OSBPL10: variants seen among roughly 807,000 people sequenced by gnomAD.
OSBPL10 encodes the protein oxysterol-binding protein-related protein 10.
In OSBPL10, 49 loss-of-function variants were observed where a neutral mutation model predicts 81.7. The ratio of observed to expected loss-of-function variants is 0.60; its 90% CI spans 0.48 to 0.76. The LOEUF (loss-of-function observed/expected upper bound fraction) is 0.76, where lower values mean the gene tolerates loss of function less well. Ranked by LOEUF, OSBPL10 falls within the 30% of genes least tolerant of loss-of-function variation. The probability of loss-of-function intolerance (pLI) is 0.00; values close to 1 mark genes in which losing one functional copy is unlikely to be tolerated. For synonymous variants in OSBPL10, 419 were observed against 383.6 expected, an observed-to-expected ratio of 1.09 and a Z score of -1.08; for missense variants, 923 against 987.8, an observed-to-expected ratio of 0.93 and a Z score of 0.88.
At position 31,726,379 on chromosome 3, in the gene OSBPL10, C is replaced by T. The variant is rs540918478; in HGVS notation, c.1095+6878G>A. On this transcript the variant is annotated intron_variant, in intron 6 of 11. Coordinates refer to ENST00000396556, the MANE Select transcript of OSBPL10 (RefSeq NM_017784.5). ...GTTGACAGGCTGGAGTGCAGTGGCA[C>T]GATCTCTGCTCACTGCAACCTCCGC... Among the ~76,000 whole-genome samples, 55 of 152,028 alleles carry T rather than the reference C, an allele frequency of 3.6e-4. 1 individual carries two copies. In the East Asian group the frequency reaches 9.1e-3, roughly 25 times the overall value.
At chr3:31,714,381 G>T (rs1696364847) in intron 6 of OSBPL10, among the ~76,000 whole-genome samples, 1 of 152,156 alleles carries the variant, frequency 6.6e-6, no homozygotes, top group Admixed American at 6.5e-5. Flanking sequence ...TTATTGCGGG[G>T]GCGCAGTAAT....
At chr3:31,882,632 T>C (rs528196630) in intron 1 of OSBPL10, among the ~76,000 whole-genome samples, 1 of 152,288 alleles carries the variant, frequency 6.6e-6, no homozygotes, top group Non-Finnish European at 1.5e-5. Flanking sequence ...CTTTTTGAGC[T>C]TTAGCCAATA....
intron 2 of OSBPL10, among the ~76,000 whole-genome samples, chr3:32,041,786 T>G (rs959796220): frequency 2.6e-5 from 4 of 152,152 alleles, no homozygotes; most frequent in African/African-American, 9.7e-5. Context: ...ATCTCCCAGG[T>G]AGCTGGGATT....
chr3:31,832,821 C>A (rs1700278898), intron 3 of OSBPL10, among the ~76,000 whole-genome samples: 1 of 152,186 alleles, frequency 6.6e-6, no homozygotes, highest in Admixed American at 6.5e-5. Flanking sequence ...AGCAACCCAA[C>A]AGTCTGGATA....
At chr3:31,864,460 G>A (rs951849165) in intron 3 of OSBPL10, among the ~76,000 whole-genome samples, 32 of 152,176 alleles carry the variant, frequency 2.1e-4, no homozygotes, top group East Asian at 1.5e-3. Flanking sequence ...GGCTGGTCTC[G>A]AATTCCTGAC....
intron 4 of OSBPL10, among the ~76,000 whole-genome samples, chr3:31,817,693 A>C (rs777308128): frequency 3.3e-5 from 5 of 152,102 alleles, no homozygotes; most frequent in African/African-American, 1.2e-4. Context: ...TGCTTGATAG[A>C]GCAGGAGGCC....
At chr3:32,057,103 A>G (rs1699718414) in intron 1 of OSBPL10, among the ~76,000 whole-genome samples, 1 of 152,256 alleles carries the variant, frequency 6.6e-6, no homozygotes, top group African/African-American at 2.4e-5. Flanking sequence ...CCTCAGTTCC[A>G]AGAAATCTTT....
chr3:32,071,595 C>T (rs558288007), intron 1 of OSBPL10, among the ~76,000 whole-genome samples: 8 of 152,304 alleles, frequency 5.3e-5, no homozygotes, highest in Non-Finnish European at 1.2e-4. Context: ...ATCATGTCTC[C>T]ATGCGGCGGC....
intron 2 of OSBPL10, among the ~76,000 whole-genome samples, chr3:32,037,149 A>G (rs1216121377): frequency 6.6e-6 from 1 of 152,142 alleles, no homozygotes; most frequent in Non-Finnish European, 1.5e-5. Flanking sequence ...GCTGGAAGAA[A>G]AGCTCCCCTA....
At chr3:31,986,587 T>C (rs992518643) in intron 2 of OSBPL10, among the ~76,000 whole-genome samples, 1 of 151,696 alleles carries the variant, frequency 6.6e-6, no homozygotes, top group African/African-American at 2.4e-5. Flanking sequence ...CTACTAAAAA[T>C]ACAAAAAAAA....
At chr3:31,873,223 T>A (rs893129932) in intron 3 of OSBPL10, among the ~76,000 whole-genome samples, 39 of 151,720 alleles carry the variant, frequency 2.6e-4, no homozygotes, top group Admixed American at 2.6e-3. Flanking sequence ...AACCTCAATT[T>A]AAAAAAAATG....
intron 2 of OSBPL10, among the ~76,000 whole-genome samples, chr3:32,044,319 C>G (rs1057186841): frequency 1.3e-5 from 2 of 150,184 alleles, no homozygotes; most frequent in African/African-American, 4.9e-5. Flanking sequence ...CTGGCTAAAC[C>G]TTAAAAAGAA....
At chr3:31,960,612 T>C (rs1698132868) in intron 1 of OSBPL10, among the ~76,000 whole-genome samples, 1 of 152,144 alleles carries the variant, frequency 6.6e-6, no homozygotes, top group African/African-American at 2.4e-5. Flanking sequence ...GCTTAAACTA[T>C]CCATTTCCAA....
In OSBPL10 at chr3:31,789,275, G is replaced by A. The variant is rs111729981; in HGVS notation, c.729+40765C>T. On this transcript the variant is annotated intron_variant, in intron 4 of 11. Coordinates refer to ENST00000396556, the MANE Select transcript of OSBPL10 (RefSeq NM_017784.5). Reference sequence around the variant, plus strand: ...AATGAAATATTTTCTTCCATATCCTGTAGATTCTGTGGTCTGAAAACTCTT... The same window carrying A: ...AATGAAATATTTTCTTCCATATCCTATAGATTCTGTGGTCTGAAAACTCTT... 7.1e-3 allele frequency among the ~76,000 whole-genome samples: 1,074 copies of A among 152,254 alleles called. 12 individuals are homozygous for A. The highest frequency in any genetic ancestry group is 0.025 in the African/African-American group (1,030 of 41,542).
At chr3:31,851,362 C>T (rs1470287424) in intron 3 of OSBPL10, among the ~76,000 whole-genome samples, 1 of 152,228 alleles carries the variant, frequency 6.6e-6, no homozygotes, top group African/African-American at 2.4e-5. Flanking sequence ...CAATCCCACT[C>T]CCCAGTTCAG....
chr3:31,991,951 G>A (rs1002124042), intron 2 of OSBPL10, among the ~76,000 whole-genome samples: 1 of 151,924 alleles, frequency 6.6e-6, no homozygotes, highest in Admixed American at 6.6e-5. Context: ...TTTGAGACCA[G>A]CCTGGTCAAC....
chr3:31,700,678 T>C (rs975096103), intron 7 of OSBPL10, among the ~76,000 whole-genome samples: 15 of 152,226 alleles, frequency 9.9e-5, no homozygotes, highest in Non-Finnish European at 2.1e-4. Flanking sequence ...TTGGAAACAC[T>C]GTGATTTTAG....
At chr3:31,930,205 T>TATATAC (rs1277181647) in intron 1 of OSBPL10, among the ~76,000 whole-genome samples, 2 of 151,894 alleles carry the variant, frequency 1.3e-5, no homozygotes, top group East Asian at 1.9e-4. Flanking sequence ...GATAAGGATA[T>TATATAC]ATATACATAT....
intron 1 of OSBPL10, among the ~76,000 whole-genome samples, 192 bp downstream of exon 1, chr3:31,980,707 G>T (rs1033697353): frequency 6.6e-6 from 1 of 152,184 alleles, no homozygotes; most frequent in Admixed American, 6.5e-5. Context: ...GAGCCACGGC[G>T]CGCCCCATCC....
Sources: gnomAD v4.1 joint callset for allele counts (sites outside exome capture counted in the v4.1 genomes callset) on GRCh38, gnomAD v4.1.1 for gene constraint, MANE v1.5 for transcripts, NCBI Gene and HGNC (gene_info 2026-07-23, HGNC 2026-07-21) for gene names.